PPP6R3: variants seen among roughly 807,000 people sequenced by gnomAD.
PPP6R3 encodes the protein serine/threonine-protein phosphatase 6 regulatory subunit 3.
PPP6R3 carries 38 observed loss-of-function variants against 110.7 expected under a neutral mutation model. The ratio of observed to expected loss-of-function variants is 0.34; its 90% CI spans 0.26 to 0.45. The LOEUF (loss-of-function observed/expected upper bound fraction) is 0.45. PPP6R3 is among the 20% of genes least tolerant of loss of function. PPP6R3 has a pLI of 1.00. For synonymous variants in PPP6R3, 369 were observed against 373.5 expected (o/e 0.99, Z 0.14); for missense variants, 870 against 1,062.4 (o/e 0.82, Z 2.52).
At chr11:68,461,142 G>C (rs1440008948) in intron 1 of PPP6R3, among the ~76,000 whole-genome samples, 2 of 150,716 alleles carry the variant, frequency 1.3e-5, no homozygotes, top group African/African-American at 4.8e-5. Context: ...GGCGAGGCGC[G>C]CCCCTGACCC....
At chr11:68,511,257 G>T (rs1228568806) in intron 1 of PPP6R3, among the ~76,000 whole-genome samples, 2 of 151,858 alleles carry the variant, frequency 1.3e-5, no homozygotes, top group African/African-American at 4.8e-5. Flanking sequence ...AGTAGAGACG[G>T]GGTTTCGCCA....
chr11:68,548,211 A>G lies in PPP6R3; in HGVS notation c.552+7A>G. 6.2e-7 allele frequency: 1 copy of G among 1,613,800 alleles called. No individual in the cohort carries two copies. Among genetic ancestry groups the G allele is most frequent in the African/African-American group, 1.3e-5 (1 of 75,026 alleles). On this transcript the variant is annotated splice_region_variant and intron_variant, in intron 5 of 23. Coordinates refer to ENST00000393800, the MANE Select transcript of PPP6R3 (RefSeq NM_001164161.2). ...CAGGCAAGATGTGCTGAATGTGAGTAGAATTCTGACCTGCTGTTGACTGGG... is the reference window on the plus strand; with the variant it reads ...CAGGCAAGATGTGCTGAATGTGAGTGGAATTCTGACCTGCTGTTGACTGGG...
chr11:68,492,567 C>A (rs2098990612), intron 1 of PPP6R3, among the ~76,000 whole-genome samples: 1 of 152,224 alleles, frequency 6.6e-6, no homozygotes, highest in Non-Finnish European at 1.5e-5. Flanking sequence ...AGTGATGCTG[C>A]CATGAACATG....
At chr11:68,599,694 A>G (rs773005057) in intron 19 of PPP6R3, among the ~76,000 whole-genome samples, 22 of 152,362 alleles carry the variant, frequency 1.4e-4, no homozygotes, top group Admixed American at 3.9e-4. Context: ...GTCTCCATAT[A>G]TCCTTCACTT....
intron 14 of PPP6R3, among the ~76,000 whole-genome samples, chr11:68,578,365 A>C (rs1372383200): frequency 6.6e-6 from 1 of 152,216 alleles, no homozygotes; most frequent in African/African-American, 2.4e-5. Context: ...TGGTAGTTAC[A>C]CTTGCCTTCT....
chr11:68,489,817 C>T (rs766984337), intron 1 of PPP6R3, among the ~76,000 whole-genome samples: 8 of 151,384 alleles, frequency 5.3e-5, no homozygotes, highest in Non-Finnish European at 1.2e-4. Flanking sequence ...GTGACATTTG[C>T]TTTTTTGCGA....
chr11:68,522,817 C>G (rs1223561268), intron 2 of PPP6R3: 2 of 152,184 alleles, frequency 1.3e-5, no homozygotes, highest in African/African-American at 2.4e-5. Flanking sequence ...GTTGTCTTTT[C>G]TCAACTTCTT....
intron 1 of PPP6R3, among the ~76,000 whole-genome samples, chr11:68,479,412 G>A (rs916236814): frequency 6.6e-6 from 1 of 152,124 alleles, no homozygotes; most frequent in Admixed American, 6.6e-5. Context: ...GGATTTTGGA[G>A]CATTTCTGAT....
chr11:68,505,505 T>A (rs59056571), intron 1 of PPP6R3, among the ~76,000 whole-genome samples: 3 of 151,474 alleles, frequency 2.0e-5, no homozygotes, highest in African/African-American at 7.3e-5. Context: ...TTTAGAGAGA[T>A]AGGGTCTTGG....
At chr11:68,494,367 T>C (rs1329334666) in intron 1 of PPP6R3, among the ~76,000 whole-genome samples, 1 of 49,306 alleles carries the variant, frequency 2.0e-5, no homozygotes, top group Non-Finnish European at 3.9e-5. Context: ...CTACTAAAAA[T>C]ACAAAAATTA....
chr11:68,544,255 G>T (rs1320423028), intron 3 of PPP6R3, among the ~76,000 whole-genome samples: 1 of 152,102 alleles, frequency 6.6e-6, no homozygotes, highest in African/African-American at 2.4e-5. Flanking sequence ...ACTGCTTCCT[G>T]CCTTGGTAGC....
At chr11:68,600,262 A>T in intron 19 of PPP6R3, 79 bp from the exon 20 acceptor site, 1 of 1,471,386 alleles carries the variant, frequency 6.8e-7, no homozygotes, top group Non-Finnish European at 9.5e-7. Context: ...CTCTTTTGCT[A>T]ATGTGTTTTT....
intron 1 of PPP6R3, among the ~76,000 whole-genome samples, chr11:68,476,342 A>G (rs1411706678): frequency 2.0e-5 from 3 of 152,066 alleles, no homozygotes; most frequent in South Asian, 2.1e-4. Flanking sequence ...GCACGCCTGC[A>G]ATCGCAGGCA....
intron 12 of PPP6R3, among the ~76,000 whole-genome samples, chr11:68,572,456 T>A (rs963049045): frequency 1.3e-5 from 2 of 152,164 alleles, no homozygotes; most frequent in Admixed American, 1.3e-4. Context: ...TTCACTTGTG[T>A]ACTTGAGGGT....
rs563859348 is a variant in PPP6R3, at chr11:68,548,929, C to T, written c.552+725C>T. On this transcript the variant is annotated intron_variant, in intron 5 of 23. Coordinates refer to ENST00000393800, the MANE Select transcript of PPP6R3 (RefSeq NM_001164161.2). Reference sequence around the variant, plus strand: ...TTTTGAGTTGGGAGTCTCACTCTGTCGCCCAGGCTGGAGTGCAGTGGCGTG... The same window carrying T: ...TTTTGAGTTGGGAGTCTCACTCTGTTGCCCAGGCTGGAGTGCAGTGGCGTG... Among the ~76,000 whole-genome samples the T allele has an allele frequency of 3.9e-5, 6 of 152,212 alleles. No homozygotes were observed. The South Asian group carries it at 1.2e-3, about 32-fold the overall frequency.
At chr11:68,594,584 T>C (rs2099607773) in intron 18 of PPP6R3, among the ~76,000 whole-genome samples, 1 of 152,174 alleles carries the variant, frequency 6.6e-6, no homozygotes, top group Non-Finnish European at 1.5e-5. Flanking sequence ...AAAGCATAGC[T>C]GAGATAAAGA....
chr11:68,593,203 C>A (rs986187077), intron 18 of PPP6R3, among the ~76,000 whole-genome samples: 4 of 43,392 alleles, frequency 9.2e-5, no homozygotes, highest in African/African-American at 4.0e-4. Flanking sequence ...TGTCCCGTCC[C>A]CCACAACCGT....
chr11:68,596,472 G>A (rs1336336564), intron 19 of PPP6R3, among the ~76,000 whole-genome samples: 2 of 152,224 alleles, frequency 1.3e-5, no homozygotes, highest in African/African-American at 4.8e-5. Flanking sequence ...GGGTCTGGCT[G>A]GAGGACAGAG....
chr11:68,597,671 T>G (rs1352877229), intron 19 of PPP6R3, among the ~76,000 whole-genome samples: 1 of 151,956 alleles, frequency 6.6e-6, no homozygotes, highest in Admixed American at 6.5e-5. Flanking sequence ...GTTGTTGTTG[T>G]TGGTTTTTTT....
Sources: allele counts gnomAD v4.1 joint callset (sites outside exome capture counted in the v4.1 genomes callset), GRCh38; gene constraint gnomAD v4.1.1; transcripts MANE v1.5; gene names NCBI Gene and HGNC (gene_info 2026-07-23, HGNC 2026-07-21).